EYS: variants seen among roughly 807,000 people sequenced by gnomAD.
EYS encodes the protein EGF-like photoreceptor maintenance factor, also known as protein eyes shut homolog.
In EYS, 250 loss-of-function variants were observed where a neutral mutation model predicts 282.1. The ratio of observed to expected loss-of-function variants is 0.89; its 90% CI spans 0.80 to 0.98. EYS has a LOEUF of 0.98. Among genes scored for constraint, EYS ranks in the 50% least tolerant of loss-of-function variants. EYS has a pLI of 0.00. For synonymous variants in EYS, 1,355 were observed against 1,282.9 expected (o/e 1.06, Z -1.20); for missense variants, 4,016 against 3,709.0 (o/e 1.08, Z -2.15).
intron 26 of EYS, among the ~76,000 whole-genome samples, chr6:64,578,856 G>T (rs1372830940): frequency 1.3e-5 from 2 of 151,944 alleles, no homozygotes; most frequent in African/African-American, 4.8e-5. Flanking sequence ...CACTGTTGAG[G>T]GGTTTAAGTA....
chr6:64,824,809 A>C (rs1176378902), intron 19 of EYS, among the ~76,000 whole-genome samples: 3 of 151,912 alleles, frequency 2.0e-5, no homozygotes, highest in Non-Finnish European at 4.4e-5. Context: ...GTTTAGCTAG[A>C]GACAGCATCA....
At chr6:65,416,312 A>T (rs984750779) in intron 5 of EYS, among the ~76,000 whole-genome samples, 2 of 151,972 alleles carry the variant, frequency 1.3e-5, no homozygotes, top group Admixed American at 1.3e-4. Flanking sequence ...TAAGTGTGGC[A>T]TAAATAAGGA....
rs1410100918 is a variant in EYS, at chr6:65,344,126, G to C, written c.1511C>G (p.Ala504Gly). Residue 504 changes from alanine (A) to glycine (G), a missense_variant, in exon 10 of 43, where the codon GCT (alanine) becomes GGT (glycine). By Grantham distance (60) the Ala-to-Gly change is moderately conservative. Transcript: ENST00000503581. Reference sequence around the variant, plus strand: ...GGTTGCATCTTCAGTGCAGTTTGCAGCCAGAAAGAAATAGGCATCAATAAC... The same window carrying C: ...GGTTGCATCTTCAGTGCAGTTTGCACCCAGAAAGAAATAGGCATCAATAAC... ...QGVIDAYFFL[A>G]ANCTEDATYV... is the part of the protein sequence containing the mutation. The C allele has an allele frequency of 6.2e-7, 1 of 1,609,962 alleles. No individual in the cohort carries two copies. Among genetic ancestry groups the C allele is most frequent in the South Asian group, 1.1e-5 (1 of 91,002 alleles).
At chr6:65,582,726 C>T (rs1207871602) in intron 2 of EYS, among the ~76,000 whole-genome samples, 1 of 152,104 alleles carries the variant, frequency 6.6e-6, no homozygotes. Flanking sequence ...AGGGATTTCA[C>T]AAATTTAGAA....
chr6:64,027,088 G>A (rs939235496), intron 33 of EYS, among the ~76,000 whole-genome samples: 9 of 152,280 alleles, frequency 5.9e-5, no homozygotes, highest in South Asian at 2.1e-4. Flanking sequence ...TCGAGTAAAT[G>A]ATAGAATGAC....
intron 12 of EYS, among the ~76,000 whole-genome samples, chr6:65,294,135 CAGAA>C (rs773627967): frequency 2.2e-4 from 33 of 151,610 alleles, no homozygotes; most frequent in Non-Finnish European, 4.9e-4. Flanking sequence ...ATACAACTAA[CAGAA>C]GGAACCAGAT....
At chr6:64,089,563 C>G (rs1364932208) in intron 31 of EYS, among the ~76,000 whole-genome samples, 3 of 151,092 alleles carry the variant, frequency 2.0e-5, no homozygotes, top group Admixed American at 2.0e-4. Flanking sequence ...CCACATTATA[C>G]ATTTTTGCTT....
At chr6:63,782,305 G>C (rs1298721313) in intron 39 of EYS, among the ~76,000 whole-genome samples, 1 of 152,262 alleles carries the variant, frequency 6.6e-6, no homozygotes, top group East Asian at 1.9e-4. Context: ...CTATTGATTG[G>C]AATAGTTTCA....
At chr6:64,575,444 G>C (rs1223114153) in intron 26 of EYS, among the ~76,000 whole-genome samples, 1 of 152,110 alleles carries the variant, frequency 6.6e-6, no homozygotes, top group Non-Finnish European at 1.5e-5. Flanking sequence ...TGAGGAGTAA[G>C]GCTCTTAGGA....
At chr6:63,751,923 T>C (rs906330453) in intron 41 of EYS, among the ~76,000 whole-genome samples, 1 of 152,188 alleles carries the variant, frequency 6.6e-6, no homozygotes, top group Non-Finnish European at 1.5e-5. Flanking sequence ...ATCAGGATGA[T>C]GTGTTGCTTA....
chr6:65,613,753 T>C (rs16896931), intron 2 of EYS, among the ~76,000 whole-genome samples: 7,866 of 151,960 alleles, frequency 0.052, 614 homozygotes, highest in African/African-American at 0.17. Flanking sequence ...TTTTCAATTA[T>C]GATGAATTAT....
chr6:64,317,669 C>T (rs144803450), intron 29 of EYS, among the ~76,000 whole-genome samples: 126 of 152,128 alleles, frequency 8.3e-4, no homozygotes, highest in Admixed American at 7.8e-3. Context: ...CCCAGCAATC[C>T]CTTTACTGGG....
chr6:64,881,114 A>C (rs1348417984), intron 19 of EYS, among the ~76,000 whole-genome samples: 1 of 151,692 alleles, frequency 6.6e-6, no homozygotes, highest in Non-Finnish European at 1.5e-5. Context: ...ACTGCATAAC[A>C]AGTTCACCTC....
chr6:64,297,321 T>G (rs1239563781), intron 30 of EYS, among the ~76,000 whole-genome samples: 2 of 152,160 alleles, frequency 1.3e-5, no homozygotes, highest in African/African-American at 4.8e-5. Context: ...AAGCTAGCCA[T>G]TAAAGATTGG....
intron 2 of EYS, among the ~76,000 whole-genome samples, chr6:65,513,296 C>T (rs1014976593): frequency 1.7e-4 from 26 of 152,080 alleles, no homozygotes; most frequent in African/African-American, 6.3e-4. Context: ...TGGCAATAAT[C>T]AATAGCTTAC....
chr6:64,634,040 G>A (rs1426707868), intron 22 of EYS, among the ~76,000 whole-genome samples: 1 of 152,180 alleles, frequency 6.6e-6, no homozygotes, highest in African/African-American at 2.4e-5. Context: ...CTGGAGAGCA[G>A]TGGTGTGATC....
intron 22 of EYS, among the ~76,000 whole-genome samples, chr6:64,716,040 T>C (rs1473462064): frequency 1.3e-5 from 2 of 152,222 alleles, no homozygotes; most frequent in Non-Finnish European, 2.9e-5. Context: ...TGCCTCCATC[T>C]CCTCACAGAG....
At chr6:65,573,514 A>C (rs1764552090) in intron 2 of EYS, among the ~76,000 whole-genome samples, 1 of 152,122 alleles carries the variant, frequency 6.6e-6, no homozygotes. Context: ...CACCTCAGGA[A>C]AGAAACTTCT....
intron 24 of EYS, among the ~76,000 whole-genome samples, chr6:64,597,258 C>T (rs766791393): frequency 6.6e-6 from 1 of 152,158 alleles, no homozygotes; most frequent in Non-Finnish European, 1.5e-5. Flanking sequence ...CCCTTATATG[C>T]TTCTGGTAGG....
Sources: gnomAD v4.1 joint callset for allele counts (sites outside exome capture counted in the v4.1 genomes callset) on GRCh38, gnomAD v4.1.1 for gene constraint, MANE v1.5 for transcripts, NCBI Gene and HGNC (gene_info 2026-07-23, HGNC 2026-07-21) for gene names.